Variants in PTPRT observed in about 807,000 individuals in gnomAD.
PTPRT encodes the protein receptor-type tyrosine-protein phosphatase T.
In PTPRT, 56 loss-of-function variants were observed where a neutral mutation model predicts 176.8. The observed-to-expected ratio is 0.32, with a 90% CI of 0.26 to 0.40. The LOEUF is 0.40. Ranked by LOEUF, PTPRT falls within the 10% of genes least tolerant of loss-of-function variation. The probability of loss-of-function intolerance (pLI) is 1.00; values close to 1 mark genes in which losing one functional copy is unlikely to be tolerated. For synonymous variants in PTPRT, 783 were observed against 739.0 expected (o/e 1.06, Z -0.96); for missense variants, 1,540 against 1,908.2 (o/e 0.81, Z 3.60).
chr20:42,744,784 G>C (rs144079789), intron 6 of PTPRT, among the ~76,000 whole-genome samples: 158 of 152,274 alleles, frequency 1.0e-3, no homozygotes, highest in Non-Finnish European at 2.0e-3. Context: ...AACCAAAGAG[G>C]GGGGTGAGCA....
intron 9 of PTPRT, among the ~76,000 whole-genome samples, chr20:42,432,409 C>T (rs971452734): frequency 6.6e-6 from 1 of 152,180 alleles, no homozygotes; most frequent in Non-Finnish European, 1.5e-5. Context: ...GTAAACTAAA[C>T]GTAAAATCCT....
chr20:42,936,585 T>TCAAGA, intron 1 of PTPRT, among the ~76,000 whole-genome samples: 1 of 152,038 alleles, frequency 6.6e-6, no homozygotes, highest in Admixed American at 6.6e-5. Flanking sequence ...GACTATGGGG[T>TCAAGA]GGAAGACCAA....
chr20:42,986,447 C>T (rs1292119405), intron 1 of PTPRT, among the ~76,000 whole-genome samples: 1 of 152,210 alleles, frequency 6.6e-6, no homozygotes, highest in African/African-American at 2.4e-5. Context: ...TGGACTCATC[C>T]TGAGTCACCC....
intron 6 of PTPRT, among the ~76,000 whole-genome samples, chr20:42,736,410 T>G (rs925606557): frequency 7.9e-5 from 12 of 152,158 alleles, no homozygotes; most frequent in African/African-American, 2.9e-4. Context: ...CAGCAAGTAA[T>G]AGAGAAGTAT....
At chr20:42,614,717 T>C (rs943943015) in intron 7 of PTPRT, among the ~76,000 whole-genome samples, 1 of 152,176 alleles carries the variant, frequency 6.6e-6, no homozygotes, top group Non-Finnish European at 1.5e-5. Flanking sequence ...TGTTAGTTCA[T>C]TTTCATGCTG....
intron 7 of PTPRT, among the ~76,000 whole-genome samples, chr20:42,552,881 A>G (rs2072793627): frequency 6.6e-6 from 1 of 152,162 alleles, no homozygotes; most frequent in Non-Finnish European, 1.5e-5. Flanking sequence ...AATTAAAACA[A>G]TAAGATTTTT....
At chr20:42,388,436 A>C (rs979857665) in intron 9 of PTPRT, among the ~76,000 whole-genome samples, 1 of 152,224 alleles carries the variant, frequency 6.6e-6, no homozygotes, top group African/African-American at 2.4e-5. Flanking sequence ...CAAGAAAAAA[A>C]CAAACAACCC....
intron 17 of PTPRT, among the ~76,000 whole-genome samples, chr20:42,161,149 G>A (rs1055413492): frequency 1.3e-5 from 2 of 152,172 alleles, no homozygotes; most frequent in African/African-American, 4.8e-5. Context: ...AATTTAATGT[G>A]TATACAAATC....
chr20:42,918,822 T>C (rs1199676086), intron 1 of PTPRT, among the ~76,000 whole-genome samples: 2 of 151,930 alleles, frequency 1.3e-5, no homozygotes, highest in African/African-American at 4.8e-5. Flanking sequence ...TTTGTGTGTG[T>C]GTGTTCTGTC....
At chr20:42,830,665 T>G (rs750979369) in intron 2 of PTPRT, among the ~76,000 whole-genome samples, 1 of 152,144 alleles carries the variant, frequency 6.6e-6, no homozygotes, top group African/African-American at 2.4e-5. Context: ...CTCCCCCTGT[T>G]TGCATACAAC....
chr20:43,032,627 A>G (rs1444805326), intron 1 of PTPRT, among the ~76,000 whole-genome samples: 2 of 152,102 alleles, frequency 1.3e-5, no homozygotes, highest in Non-Finnish European at 1.5e-5. Context: ...GTAGTTCCAG[A>G]AGAGTCCACA....
At chr20:42,506,411 T>C (rs2071845936) in intron 7 of PTPRT, among the ~76,000 whole-genome samples, 1 of 152,124 alleles carries the variant, frequency 6.6e-6, no homozygotes, top group Admixed American at 6.6e-5. Flanking sequence ...TCTTGGGCCT[T>C]CTTTATTGAC....
chr20:42,775,182 A>G (rs528219956), intron 4 of PTPRT, among the ~76,000 whole-genome samples: 1 of 152,158 alleles, frequency 6.6e-6, no homozygotes, highest in African/African-American at 2.4e-5. Context: ...CTGGCTGTGC[A>G]TTTGGGGCAA....
At chr20:42,341,009 C>T (rs2058103619) in intron 11 of PTPRT, among the ~76,000 whole-genome samples, 1 of 152,130 alleles carries the variant, frequency 6.6e-6, no homozygotes, top group Admixed American at 6.5e-5. Flanking sequence ...TTCCTTGCAA[C>T]ATTTGGCTCC....
chr20:42,762,270 T>C (rs972532657), intron 5 of PTPRT, among the ~76,000 whole-genome samples: 1 of 152,172 alleles, frequency 6.6e-6, no homozygotes, highest in Non-Finnish European at 1.5e-5. Context: ...GTTCCTAAAT[T>C]TTAATGTGCA....
chr20:42,527,042 C>T lies in PTPRT; in HGVS notation c.1154-54480G>A, dbSNP rs532251338. On this transcript the variant is annotated intron_variant, in intron 7 of 30. Coordinates refer to ENST00000373187, the MANE Select transcript of PTPRT (RefSeq NM_007050.6). ...GCAGTGGCACGATCTCAGCTCACTG[C>T]AAGCTCCTCCTCCCGGGTTCACGCC... Among the ~76,000 whole-genome samples, 9 of 145,042 alleles carry T rather than the reference C, an allele frequency of 6.2e-5. No individual in the cohort carries two copies. In the East Asian group the frequency reaches 1.9e-3, roughly 31 times the overall value.
At position 42,756,600 on chromosome 20, in the gene PTPRT, G is replaced by C; in HGVS notation, c.721C>G (p.Arg241Gly). The change falls in exon 6 of 31, where the codon CGT becomes GGT. Residue 241 changes from arginine to glycine, a missense_variant. By Grantham distance (125) the Arg-to-Gly change is moderately radical. This residue lies in a region of PTPRT where 273 missense variants were observed against 432.1 expected (regional missense o/e 0.63). Transcript: ENST00000373187. ...GAGAAGCGCCTGTGGTTGACCACAC[G>C]GGTGACCATCAGGGCCGTGTCCCTG... ...NGRDTALMVT[R>G]VVNHRRFSAT... is the part of the protein sequence containing the mutation. The C allele has an allele frequency of 6.2e-7, 1 of 1,608,152 alleles. No homozygotes were observed. The highest frequency in any genetic ancestry group is 8.5e-7 in the Non-Finnish European group (1 of 1,176,210).
At chr20:42,287,079 A>C (rs1168426388) in intron 12 of PTPRT, among the ~76,000 whole-genome samples, 2 of 151,914 alleles carry the variant, frequency 1.3e-5, no homozygotes, top group Admixed American at 6.6e-5. Flanking sequence ...ATTACAAAAA[A>C]AATAACAAAT....
chr20:42,159,649 G>A (rs1476247413), intron 17 of PTPRT, among the ~76,000 whole-genome samples: 1 of 152,112 alleles, frequency 6.6e-6, no homozygotes, highest in African/African-American at 2.4e-5. Flanking sequence ...ATTTGTAGAT[G>A]AGAATATGAA....
Sources: gnomAD v4.1 joint callset for allele counts (sites outside exome capture counted in the v4.1 genomes callset) on GRCh38, gnomAD v4.1.1 for gene constraint, gnomAD v4.1.1 regional missense constraint, MANE v1.5 for transcripts, NCBI Gene and HGNC (gene_info 2026-07-23, HGNC 2026-07-21) for gene names.